The following ARSG variants were observed in gnomAD, a reference collection of about 807,000 sequenced individuals.
The protein encoded by ARSG is arylsulfatase G, also known as ASG.
ARSG carries 37 observed loss-of-function variants against 50.5 expected under a neutral mutation model. The observed-to-expected ratio is 0.73, with a 90% CI of 0.56 to 0.96. ARSG has a LOEUF of 0.96. Ranked by LOEUF, ARSG falls within the 50% of genes least tolerant of loss-of-function variation. The probability of loss-of-function intolerance (pLI) is 0.00; values close to 1 mark genes in which losing one functional copy is unlikely to be tolerated. For synonymous variants in ARSG, 225 were observed against 254.6 expected (o/e 0.88, Z 1.11); for missense variants, 629 against 675.3 (o/e 0.93, Z 0.76).
chr17:68,358,478 C>T (rs1313177714), intron 6 of ARSG, among the ~76,000 whole-genome samples: 6 of 151,548 alleles, frequency 4.0e-5, no homozygotes, highest in African/African-American at 1.5e-4. Flanking sequence ...CACCTGAATT[C>T]AGGAGTTCGA....
chr17:68,286,792 C>T (rs2075852219), upstream of ARSG, among the ~76,000 whole-genome samples: 1 of 151,810 alleles, frequency 6.6e-6, no homozygotes, highest in South Asian at 2.1e-4. Context: ...GTGTGAGAAA[C>T]AGCTGATACT....
chr17:68,433,765 T>G, the ARSG span, among the ~76,000 whole-genome samples: 131 of 14,184 alleles, frequency 9.2e-3, 4 homozygotes, highest in African/African-American at 0.024. Context: ...TCATAGTTTT[T>G]TTTTTTTTTT....
chr17:68,374,025 C>T (rs2080007238), intron 8 of ARSG, among the ~76,000 whole-genome samples: 1 of 151,670 alleles, frequency 6.6e-6, no homozygotes, highest in Non-Finnish European at 1.5e-5. Flanking sequence ...GGCATGGTGG[C>T]GGGCACCTGT....
chr17:68,335,714 C>T (rs2077987613), intron 2 of ARSG, among the ~76,000 whole-genome samples: 1 of 152,072 alleles, frequency 6.6e-6, no homozygotes, highest in Non-Finnish European at 1.5e-5. Flanking sequence ...TGAACTAGGC[C>T]TTGAAGACAG....
intron 2 of ARSG, among the ~76,000 whole-genome samples, chr17:68,328,258 C>T (rs1456945138): frequency 6.6e-6 from 1 of 151,788 alleles, no homozygotes; most frequent in Non-Finnish European, 1.5e-5. Flanking sequence ...TGTTGCCTGC[C>T]ATGAATTTTA....
chr17:68,349,937 T>C (rs2078683657), intron 4 of ARSG, among the ~76,000 whole-genome samples: 2 of 152,036 alleles, frequency 1.3e-5, no homozygotes, highest in African/African-American at 4.8e-5. Context: ...ACACCACATA[T>C]TGGGTTGGCA....
At chr17:68,313,558 T>G (rs1243276976) in intron 2 of ARSG, among the ~76,000 whole-genome samples, 1 of 152,188 alleles carries the variant, frequency 6.6e-6, no homozygotes, top group Non-Finnish European at 1.5e-5. Flanking sequence ...CATCTTAACT[T>G]AATGACATCT....
At chr17:68,272,624 T>C (rs1284995307) in intron 1 of ARSG, 1 of 1,613,164 alleles carries the variant, frequency 6.2e-7, no homozygotes, top group East Asian at 2.2e-5. Flanking sequence ...ACTTAGGCTG[T>C]TGTAGTCCAC....
the ARSG span, chr17:68,436,363 C>T: frequency 1.2e-6 from 2 of 1,612,114 alleles, no homozygotes; most frequent in South Asian, 1.1e-5. Context: ...TTGGCTCAGC[C>T]AGGTCACCGT....
chr17:68,309,191 C>G (rs1555765716), intron 2 of ARSG, among the ~76,000 whole-genome samples: 1 of 152,248 alleles, frequency 6.6e-6, no homozygotes, highest in Admixed American at 6.5e-5. Context: ...GCAGGGCCAG[C>G]TGGCTGCTCC....
chr17:68,310,562 A>G (rs1451420991), intron 2 of ARSG, among the ~76,000 whole-genome samples: 2 of 152,122 alleles, frequency 1.3e-5, no homozygotes, highest in Non-Finnish European at 2.9e-5. Context: ...TTCAGACTTC[A>G]GGATTTTCTT....
intron 11 of ARSG, among the ~76,000 whole-genome samples, chr17:68,410,738 G>A (rs1297422267): frequency 1.3e-5 from 2 of 152,148 alleles, no homozygotes; most frequent in South Asian, 2.1e-4. Flanking sequence ...ATTCAGCTGC[G>A]AATCCATCTG....
At chr17:68,299,892 T>G (rs2145433815) in intron 1 of ARSG, among the ~76,000 whole-genome samples, 1 of 152,190 alleles carries the variant, frequency 6.6e-6, no homozygotes, top group East Asian at 1.9e-4. Context: ...TTTAGAGAAT[T>G]GTACCAAAAT....
rs142784028 is a variant in ARSG at position 68,381,660 on chromosome 17, T to A, written c.983-3404T>A. 2.0e-5 allele frequency among the ~76,000 whole-genome samples: 3 copies of A among 152,306 alleles called. No homozygotes were observed. ...ACGATGACTATTAGCTACATTTAACTTTGAAACGTGCTGTGTTCTCTTCCC... is the reference window on the plus strand; with the variant it reads ...ACGATGACTATTAGCTACATTTAACATTGAAACGTGCTGTGTTCTCTTCCC... On this transcript the variant is annotated intron_variant, in intron 8 of 11. Coordinates refer to ENST00000621439, the MANE Select transcript of ARSG (RefSeq NM_001267727.2). This position sits in a 1 kb window ranked among gnomAD's most constrained non-coding sequence, Gnocchi z 4.1.
the ARSG span, chr17:68,444,508 G>C: frequency 6.2e-7 from 1 of 1,613,724 alleles, no homozygotes; most frequent in Non-Finnish European, 8.5e-7. Context: ...GGGTTTGCAG[G>C]AATATCCAGG....
At chr17:68,346,889 T>TC (rs1458661168) in intron 3 of ARSG, 1 of 1,453,892 alleles carries the variant, frequency 6.9e-7, no homozygotes, top group Non-Finnish European at 9.1e-7. Context: ...TGGGCTGTCT[T>TC]CCCCTTTCAC....
At position 68,306,755 on chromosome 17, in the gene ARSG, C is replaced by T. The variant is rs1291902322; in HGVS notation, c.-551-188C>T. Among the ~76,000 whole-genome samples, 4 of 152,028 alleles carry T rather than the reference C, an allele frequency of 2.6e-5. No homozygotes were observed. The East Asian group carries it at 5.8e-4, about 22-fold the overall frequency. ...TCTCTAATGTTACTTCCAACCCTGTCGCTATAGGTCCATTGCGAATATTAT... is the reference window on the plus strand; with the variant it reads ...TCTCTAATGTTACTTCCAACCCTGTTGCTATAGGTCCATTGCGAATATTAT... On this transcript the variant is annotated intron_variant, in intron 1 of 11. Transcript: ENST00000621439.
At chr17:68,321,888 A>G (rs189837986) in intron 2 of ARSG, among the ~76,000 whole-genome samples, 2 of 152,310 alleles carry the variant, frequency 1.3e-5, no homozygotes, top group African/African-American at 4.8e-5. Flanking sequence ...CTTGGGAGGA[A>G]AGAAAGCTTT....
rs782138403 is a variant in ARSG, at chr17:68,272,598, T to C, written c.-552+13172T>C. On this transcript the variant is annotated intron_variant, in intron 1 of 11. Transcript: ENST00000448504. ...GTAGCAAGAATACCTGAGTGACGTCTCTCATCCACATTCATACTTAGGCTG... is the reference window on the plus strand; with the variant it reads ...GTAGCAAGAATACCTGAGTGACGTCCCTCATCCACATTCATACTTAGGCTG... The C allele has an allele frequency of 7.5e-6, 12 of 1,601,806 alleles. No homozygotes were observed. In the East Asian group the frequency reaches 9.0e-5, roughly 12 times the overall value.
Sources: gnomAD v4.1 joint callset for allele counts (sites outside exome capture counted in the v4.1 genomes callset) on GRCh38, gnomAD v4.1.1 for gene constraint, Gnocchi (gnomAD v3.1) non-coding constraint, MANE v1.5 for transcripts, NCBI Gene and HGNC (gene_info 2026-07-23, HGNC 2026-07-21) for gene names.